SYT12: variants seen among roughly 807,000 people sequenced by gnomAD.
SYT12 encodes the protein synaptotagmin 12, also known as synaptotagmin-12.
SYT12 carries 27 observed loss-of-function variants against 39.5 expected under a neutral mutation model. That is an observed-to-expected ratio of 0.68 (90% CI 0.50 to 0.94). SYT12 has a LOEUF of 0.94. Ranked by LOEUF, SYT12 falls within the 40% of genes least tolerant of loss-of-function variation. SYT12 has a pLI of 0.00. For synonymous variants in SYT12, 233 were observed against 239.7 expected, an observed-to-expected ratio of 0.97 and a Z score of 0.26; for missense variants, 536 against 572.6, an observed-to-expected ratio of 0.94 and a Z score of 0.65.
At position 67,042,289 on chromosome 11, in the gene SYT12, T is replaced by G. The variant is rs77921994; in HGVS notation, c.622-1349T>G. Among the ~76,000 whole-genome samples, 707 of 152,262 alleles carry G rather than the reference T, an allele frequency of 4.6e-3. 4 individuals are homozygous for G. The highest frequency in any genetic ancestry group is 0.016 in the African/African-American group (654 of 41,560). On this transcript the variant is annotated intron_variant, in intron 4 of 7. Coordinates refer to ENST00000527043, the MANE Select transcript of SYT12 (RefSeq NM_177963.4). ...CTGGGTCAGTGCCTAGCAGGTTGGC[T>G]CTCAGGACCGTGCAGAGCTCCTGTC... is the stretch of plus-strand genomic sequence containing the variant.
At chr11:67,048,353 G>A (rs1259656010) in intron 7 of SYT12, among the ~76,000 whole-genome samples, 1 of 151,972 alleles carries the variant, frequency 6.6e-6, no homozygotes, top group Non-Finnish European at 1.5e-5. Context: ...TGTGGAGGGA[G>A]GCAGCAAGAG....
rs1455541530 is a variant in SYT12 at position 67,048,644 on chromosome 11, G to A, written c.1153G>A (p.Gly385Ser). The A allele has an allele frequency of 6.2e-7, 1 of 1,612,784 alleles. No individual in the cohort carries two copies. Among genetic ancestry groups the A allele is most frequent in the East Asian group, 2.2e-5 (1 of 44,836 alleles). Residue 385 changes from glycine to serine, a missense_variant, in exon 8 of 8, where the codon GGC becomes AGC. Transcript: ENST00000527043. Reference protein sequence around the residue: ...SSSDGRGDNVGHVIIGPSASG... With the variant: ...SSSDGRGDNVSHVIIGPSASG... The stretch of plus-strand genomic sequence containing the variant: ...CAGCGACGGCCGTGGGGACAACGTG[G>A]GCCATGTCATCATTGGGCCGTCAGC...
chr11:67,012,001 G>GA (rs1950016492), intron 3 of SYT12, among the ~76,000 whole-genome samples: 1 of 150,834 alleles, frequency 6.6e-6, no homozygotes, highest in South Asian at 2.1e-4. Context: ...CTGACCTTGT[G>GA]ATCCACCCAC....
At chr11:67,024,151 A>G (rs1256691634) in intron 1 of SYT12, among the ~76,000 whole-genome samples, 1 of 152,114 alleles carries the variant, frequency 6.6e-6, no homozygotes, top group East Asian at 1.9e-4. Flanking sequence ...CCATCCTGGG[A>G]GCTCTCTTCC....
intron 3 of SYT12, among the ~76,000 whole-genome samples, chr11:67,037,763 T>C (rs1950410314): frequency 6.6e-6 from 1 of 151,118 alleles, no homozygotes. Context: ...ATGCCTGTAA[T>C]CCCAGCTACT....
intron 6 of SYT12, 125 bp from the exon 7 acceptor site, chr11:67,045,619 G>T: frequency 1.5e-6 from 2 of 1,299,598 alleles, no homozygotes; most frequent in Non-Finnish European, 1.1e-6. Flanking sequence ...ACCAATGGCA[G>T]GGCTGCAGGA....
At chr11:67,016,137 C>G (rs2100304) in intron 3 of SYT12, among the ~76,000 whole-genome samples, 1 of 151,950 alleles carries the variant, frequency 6.6e-6, no homozygotes, top group Non-Finnish European at 1.5e-5. Flanking sequence ...AAAAATTAGC[C>G]GGGAGTGGTG....
chr11:67,030,213 C>T (rs1242805817), intron 2 of SYT12, 35 bp downstream of exon 2: 1 of 1,612,902 alleles, frequency 6.2e-7, no homozygotes, highest in Non-Finnish European at 8.5e-7. Flanking sequence ...CTGGATCACG[C>T]CTGCGAGACC....
intron 2 of SYT12, chr11:67,030,406 A>G (rs1311952817): frequency 1.9e-6 from 1 of 523,124 alleles, no homozygotes; most frequent in African/African-American, 2.0e-5. Flanking sequence ...CCTTCTTGTT[A>G]AAGTGACTTT....
At chr11:67,012,937 A>G (rs1051131149) in intron 3 of SYT12, among the ~76,000 whole-genome samples, 7 of 151,104 alleles carry the variant, frequency 4.6e-5, no homozygotes, top group Non-Finnish European at 1.0e-4. Flanking sequence ...TGAAGAGAGA[A>G]GGCTTTTGAA....
At chr11:67,035,865 T>C (rs1388289600) in intron 3 of SYT12, among the ~76,000 whole-genome samples, 2 of 136,334 alleles carry the variant, frequency 1.5e-5, no homozygotes, top group African/African-American at 3.1e-5. Context: ...TTTCTTTCTT[T>C]CTTTCTTTCT....
intron 2 of SYT12, among the ~76,000 whole-genome samples, chr11:67,010,420 G>A (rs932523891): frequency 6.6e-6 from 1 of 152,216 alleles, no homozygotes; most frequent in Admixed American, 6.5e-5. Context: ...AGAGATTGCA[G>A]CCAAGACAGG....
intron 4 of SYT12, among the ~76,000 whole-genome samples, chr11:67,042,234 G>C (rs1351552711): frequency 6.6e-6 from 1 of 152,156 alleles, no homozygotes; most frequent in Non-Finnish European, 1.5e-5. Context: ...GGAAGAGATG[G>C]GTTAATGTAT....
chr11:67,046,029 A>G (rs1854538119), intron 7 of SYT12, 152 bp downstream of exon 7: 1 of 1,018,112 alleles, frequency 9.8e-7, no homozygotes, highest in Admixed American at 2.7e-5. Flanking sequence ...CACTGGGGCC[A>G]GCCCTAGGGT....
At chr11:67,018,621 G>A (rs1950078248), upstream of SYT12, among the ~76,000 whole-genome samples, 1 of 152,146 alleles carries the variant, frequency 6.6e-6, no homozygotes, top group Admixed American at 6.5e-5. Context: ...AAGAGATCAA[G>A]ACCATCCTGG....
chr11:67,031,265 G>A (rs1204109604), intron 2 of SYT12: 1 of 152,288 alleles, frequency 6.6e-6, no homozygotes, highest in Non-Finnish European at 1.5e-5. Context: ...GCCCAGCATG[G>A]TGCAAACGCC....
At chr11:67,036,444 A>G (rs1028078319) in intron 3 of SYT12, among the ~76,000 whole-genome samples, 2 of 152,204 alleles carry the variant, frequency 1.3e-5, no homozygotes, top group African/African-American at 4.8e-5. Context: ...TATTGGGGGC[A>G]CACACATTCT....
At chr11:67,037,641 G>A (rs1488676137) in intron 3 of SYT12, among the ~76,000 whole-genome samples, 2 of 151,990 alleles carry the variant, frequency 1.3e-5, no homozygotes, top group Non-Finnish European at 2.9e-5. Context: ...TCAGCACTTT[G>A]GGAAGCTGAG....
At chr11:67,038,442 G>A (rs577377694) in intron 3 of SYT12, among the ~76,000 whole-genome samples, 1 of 151,924 alleles carries the variant, frequency 6.6e-6, no homozygotes, top group African/African-American at 2.4e-5. Context: ...GGTTTTACAG[G>A]CATGAGCCAC....
Sources: allele counts gnomAD v4.1 joint callset (sites outside exome capture counted in the v4.1 genomes callset), GRCh38; gene constraint gnomAD v4.1.1; transcripts MANE v1.5; gene names NCBI Gene and HGNC (gene_info 2026-07-23, HGNC 2026-07-21).